GIPR: variants seen among roughly 807,000 people sequenced by gnomAD.
GIPR encodes the protein GIP-R.
In GIPR, 74 loss-of-function variants were observed where a neutral mutation model predicts 62.2. The observed-to-expected ratio is 1.19, with a 90% CI of 0.99 to 1.44. The LOEUF (loss-of-function observed/expected upper bound fraction) is 1.44. GIPR is among the 40% of genes most tolerant of loss of function. The pLI is 0.00. For missense variants in GIPR, 664 were observed against 611.8 expected (o/e 1.09, Z -0.90); for synonymous variants, 256 against 262.2 (o/e 0.98, Z 0.23).
intron 7 of GIPR, 58 bp from the exon 8 acceptor site, chr19:45,676,891 G>C (rs1966956380): frequency 2.0e-6 from 3 of 1,520,246 alleles, no homozygotes. Flanking sequence ...AGCTGGGGGA[G>C]ACTGGGAGAC....
At chr19:45,670,584 C>T in intron 2 of GIPR, 51 bp from the exon 3 acceptor site, 3 of 1,310,426 alleles carry the variant, frequency 2.3e-6, no homozygotes, top group Non-Finnish European at 3.3e-6. Flanking sequence ...GACCTAGCAG[C>T]CTGGGAGCGG....
At chr19:45,668,545 C>T (rs1000695076) in intron 1 of GIPR, among the ~76,000 whole-genome samples, 10 of 152,184 alleles carry the variant, frequency 6.6e-5, no homozygotes, top group Admixed American at 1.3e-4. Flanking sequence ...TGTCTCCTAG[C>T]CCACATCTGC....
Position 45,677,975 on chromosome 19 carries a change from T to A in GIPR, c.994T>A (p.Cys332Ser). ...CAAGCTGAGGACACGGCAAATGCGC[T>A]GCCGGGATTACCGGCTGAGGTGAGG... Reference protein sequence around the residue: ...LSKLRTRQMRCRDYRLRLARS... With the variant: ...LSKLRTRQMRSRDYRLRLARS... The change falls in exon 11 of 14, where the codon TGC (cysteine) becomes AGC (serine). Residue 332 changes from cysteine to serine, a missense_variant. Cys to Ser is a moderately radical substitution (Grantham distance 112). Transcript: ENST00000590918. 1 of 1,613,976 alleles carries A rather than the reference T, an allele frequency of 6.2e-7. No individual in the cohort carries two copies. The highest frequency in any genetic ancestry group is 8.5e-7 in the Non-Finnish European group (1 of 1,180,030).
At chr19:45,674,384 G>C in intron 6 of GIPR, 1 of 660,130 alleles carries the variant, frequency 1.5e-6, no homozygotes, top group Non-Finnish European at 2.8e-6. Flanking sequence ...AAGGCAGGAG[G>C]ATCGCTTGAG....
chr19:45,669,624 G>C lies in GIPR; in HGVS notation c.72+32G>C, dbSNP rs189675805. On this transcript the variant is annotated intron_variant, in intron 2 of 13. Coordinates refer to ENST00000590918, the MANE Select transcript of GIPR (RefSeq NM_000164.4). ...AAGCGAGGAGCCAGAGGAGCTCCAGGCTTGGAGGGAGGTATGGGGACGGTT... is the reference window on the plus strand; with the variant it reads ...AAGCGAGGAGCCAGAGGAGCTCCAGCCTTGGAGGGAGGTATGGGGACGGTT... 10 of 1,556,060 alleles carry C rather than the reference G, an allele frequency of 6.4e-6. No homozygotes were observed. In the East Asian group the frequency reaches 2.3e-4, roughly 36 times the overall value.
Position 45,672,847 on chromosome 19 carries a change from A to G in GIPR, c.281-4A>G. On this transcript the variant is annotated splice_region_variant and splice_polypyrimidine_tract_variant and intron_variant, in intron 4 of 13. Coordinates refer to ENST00000590918, the MANE Select transcript of GIPR (RefSeq NM_000164.4). ...CCTTAATTCCCTCTCTTCTTTCCCC[A>G]CAGTGGCTGCAGGTTTCGTCCTCCG... The G allele has an allele frequency of 6.3e-7, 1 of 1,586,550 alleles. No individual in the cohort carries two copies. Among genetic ancestry groups the G allele is most frequent in the Non-Finnish European group, 8.7e-7 (1 of 1,154,936 alleles).
rs866949470 is a variant in GIPR at position 45,683,625 on chromosome 19, G to A, written c.*1690G>A. On this transcript the variant is annotated 3_prime_UTR_variant, in exon 14 of 14. Transcript: ENST00000590918. ...CTGAACTCAGCCTTTTCAAGCTTGCGGCCCTGCTGCCCAATTCCCCTACAC... is the reference window on the plus strand; with the variant it reads ...CTGAACTCAGCCTTTTCAAGCTTGCAGCCCTGCTGCCCAATTCCCCTACAC... 1 of 152,194 alleles carries A rather than the reference G, an allele frequency of 6.6e-6. No homozygotes were observed. The highest frequency in any genetic ancestry group is 1.5e-5 in the Non-Finnish European group (1 of 68,060). The allele number at this position is 152,194 out of a possible 1,614,324, so 9.4% of individuals were successfully genotyped here.
In GIPR at chr19:45,682,014, G is replaced by A. The variant is rs936489479; in HGVS notation, c.*79G>A. Reference sequence around the variant, plus strand: ...GCGTGCCAGGCCCAGTACGGAGGACGCTGGGGAAATGGTGAAGGAAACAGA... The same window carrying A: ...GCGTGCCAGGCCCAGTACGGAGGACACTGGGGAAATGGTGAAGGAAACAGA... On this transcript the variant is annotated 3_prime_UTR_variant, in exon 14 of 14. Coordinates refer to ENST00000590918, the MANE Select transcript of GIPR (RefSeq NM_000164.4). 1 of 1,239,826 alleles carries A rather than the reference G, an allele frequency of 8.1e-7. No homozygotes were observed. The allele number at this position is 1,239,826 out of a possible 1,614,324, so 76.8% of individuals were successfully genotyped here. A position where few individuals can be genotyped will look rare whatever the true frequency, so the allele number is the denominator to read the frequency against.
Position 45,674,095 on chromosome 19 carries a change from C to T in GIPR, c.406C>T (p.Arg136Trp), listed in dbSNP as rs13306402. The change falls in exon 6 of 14, where the codon CGG becomes TGG. Residue 136 changes from arginine to tryptophan, a missense_variant. Physicochemically the swap from Arg to Trp is moderately radical, Grantham distance 101. Coordinates refer to ENST00000590918, the MANE Select transcript of GIPR (RefSeq NM_000164.4). Reference protein sequence around the residue: ...AFLDQRLILERLQVMYTVGYS... With the variant: ...AFLDQRLILEWLQVMYTVGYS... ...CCAGGACCAAAGGCTCATCTTGGAGCGGTTGCAGGTCATGTACACTGTCGG... is the reference window on the plus strand; with the variant it reads ...CCAGGACCAAAGGCTCATCTTGGAGTGGTTGCAGGTCATGTACACTGTCGG... 691 of 1,611,050 alleles carry T rather than the reference C, an allele frequency of 4.3e-4. 7 individuals carry two copies. In the East Asian group the frequency reaches 0.011, roughly 26 times the overall value.
chr19:45,680,706 C>G (rs1479132477), intron 12 of GIPR, among the ~76,000 whole-genome samples: 1 of 151,742 alleles, frequency 6.6e-6, no homozygotes, highest in Non-Finnish European at 1.5e-5. Flanking sequence ...GGGCGCATGC[C>G]TGTAATCCCA....
In GIPR at chr19:45,682,986, T is replaced by TG. The variant is rs1967322186; in HGVS notation, c.*1052dup. On this transcript the variant is annotated 3_prime_UTR_variant, in exon 14 of 14. Coordinates refer to ENST00000590918, the MANE Select transcript of GIPR (RefSeq NM_000164.4). ...GTGGCTGGACCAGGATGGAGGCCAC[T>TG]GAGGGGTATGAAGCAGTCGGATTTG... The TG allele has an allele frequency of 6.6e-6, 1 of 152,606 alleles. No homozygotes were observed. The highest frequency in any genetic ancestry group is 2.1e-4 in the South Asian group (1 of 4,846). The allele number at this position is 152,606 out of a possible 1,614,324, so 9.5% of individuals were successfully genotyped here. A position where few individuals can be genotyped will look rare whatever the true frequency, so the allele number is the denominator to read the frequency against.
Position 45,681,714 on chromosome 19 carries a change from G to A in GIPR, c.1195-15G>A, listed in dbSNP as rs771366563. 1 of 1,611,168 alleles carries A rather than the reference G, an allele frequency of 6.2e-7. No individual in the cohort carries two copies. Among genetic ancestry groups the A allele is most frequent in the Non-Finnish European group, 8.5e-7 (1 of 1,178,178 alleles). On this transcript the variant is annotated splice_polypyrimidine_tract_variant and intron_variant, in intron 13 of 13. Transcript: ENST00000590918. ...GCGGGGTACGGCGCCGCCTCTGAGC[G>A]CCATCGTCTCACAGGTGCAGTCGGA...
At chr19:45,669,706 G>A in intron 2 of GIPR, 114 bp downstream of exon 2, 1 of 1,414,222 alleles carries the variant, frequency 7.1e-7, no homozygotes. Flanking sequence ...AGCACTTTGG[G>A]AGGCCGAAGC....
At chr19:45,680,263 G>A (rs1967158659) in intron 12 of GIPR, among the ~76,000 whole-genome samples, 1 of 152,184 alleles carries the variant, frequency 6.6e-6, no homozygotes, top group African/African-American at 2.4e-5. Context: ...TCAGGAGGCT[G>A]AGGCAGGAAC....
chr19:45,674,605 T>TAA (rs542971910), intron 6 of GIPR, 77 bp from the exon 7 acceptor site: 81 of 1,153,166 alleles, frequency 7.0e-5, no homozygotes, highest in Non-Finnish European at 8.6e-5. Flanking sequence ...AGACCCTGTT[T>TAA]AAAAAAAAAA....
Position 45,672,962 on chromosome 19 carries a change from G to A in GIPR, c.384+8G>A, listed in dbSNP as rs772067414. 6.7e-7 allele frequency: 1 copy of A among 1,497,582 alleles called. No homozygotes were observed. The highest frequency in any genetic ancestry group is 2.3e-5 in the East Asian group (1 of 44,328). 92.8% of individuals were successfully genotyped at this position (1,497,582 alleles called of 1,614,324 possible). On this transcript the variant is annotated splice_region_variant and intron_variant, in intron 5 of 13. Coordinates refer to ENST00000590918, the MANE Select transcript of GIPR (RefSeq NM_000164.4). ...AAGAATGAGGCCTTTCTGGTAAGAA[G>A]AGGTGAGGGCTTCAGGTTAGGAGTC...
At position 45,670,675 on chromosome 19, in the gene GIPR, G is replaced by T. The variant is rs1167664394; in HGVS notation, c.113G>T (p.Arg38Leu). 2 of 1,613,476 alleles carry T rather than the reference G, an allele frequency of 1.2e-6. No homozygotes were observed. The highest frequency in any genetic ancestry group is 1.7e-6 in the Non-Finnish European group (2 of 1,179,834). Residue 38 changes from arginine to leucine, a missense_variant, in exon 3 of 14, where the codon CGC becomes CTC. Arg to Leu is a moderately radical substitution (Grantham distance 102, BLOSUM62 -2). Transcript: ENST00000590918. ...KGQTAGELYQ[R>L]WERYRRECQE... ...CAGACGGCGGGGGAGCTGTACCAGC[G>T]CTGGGAACGGTACCGCAGGGAGTGC...
intron 7 of GIPR, among the ~76,000 whole-genome samples, chr19:45,676,685 C>G (rs1459609336): frequency 6.6e-6 from 1 of 152,078 alleles, no homozygotes; most frequent in Non-Finnish European, 1.5e-5. Context: ...CCGCCCACCT[C>G]GGCCTCCTAA....
chr19:45,670,831 G>C (rs1048514680), intron 3 of GIPR, 97 bp downstream of exon 3: 4 of 749,494 alleles, frequency 5.3e-6, no homozygotes, highest in Non-Finnish European at 8.9e-6. Context: ...AGAAATCTCG[G>C]GGCGCTGTGG....
Sources: allele counts gnomAD v4.1 joint callset (sites outside exome capture counted in the v4.1 genomes callset), GRCh38; gene constraint gnomAD v4.1.1; transcripts MANE v1.5; gene names NCBI Gene and HGNC (gene_info 2026-07-23, HGNC 2026-07-21).